The following NKAIN2 variants were observed in gnomAD, a reference collection of about 807,000 sequenced individuals.
The protein encoded by NKAIN2 is sodium/potassium transporting ATPase interacting 2, also known as sodium/potassium-transporting ATPase subunit beta-1-interacting protein 2.
Under a neutral mutation model 32.6 loss-of-function variants are expected in NKAIN2, and 14 were observed. The ratio of observed to expected loss-of-function variants is 0.43; its 90% CI spans 0.28 to 0.67. The LOEUF is 0.67. Ranked by LOEUF, NKAIN2 falls within the 30% of genes least tolerant of loss-of-function variation. The probability of loss-of-function intolerance (pLI) is 0.17; values close to 1 mark genes in which losing one functional copy is unlikely to be tolerated. For synonymous variants in NKAIN2, 80 were observed against 87.2 expected (o/e 0.92, Z 0.46); for missense variants, 198 against 258.3 (o/e 0.77, Z 1.60).
intron 4 of NKAIN2, among the ~76,000 whole-genome samples, chr6:124,698,932 G>C (rs756124810): frequency 6.6e-6 from 1 of 152,106 alleles, no homozygotes. Context: ...GCAGGGTAAA[G>C]GTTGAGAGTT....
intron 3 of NKAIN2, among the ~76,000 whole-genome samples, chr6:124,519,471 G>T (rs572848761): frequency 6.6e-6 from 1 of 152,270 alleles, no homozygotes; most frequent in South Asian, 2.1e-4. Flanking sequence ...TGAAATTTGT[G>T]TGTGTACAAG....
intron 1 of NKAIN2, among the ~76,000 whole-genome samples, chr6:123,918,950 A>G (rs528500517): frequency 5.3e-4 from 81 of 152,138 alleles, no homozygotes; most frequent in African/African-American, 1.9e-3. Context: ...AGCAATTGAA[A>G]TTCTGCTAGC....
At chr6:124,539,810 T>A (rs554358) in intron 3 of NKAIN2, among the ~76,000 whole-genome samples, 121,140 of 151,932 alleles carry the variant, frequency 0.8, 53,600 homozygotes, top group Non-Finnish European at 0.99. Context: ...AACCTCCGCC[T>A]CCTGGGTTCA....
intron 1 of NKAIN2, among the ~76,000 whole-genome samples, chr6:123,921,119 G>T (rs547079858): frequency 6.6e-6 from 1 of 152,268 alleles, no homozygotes; most frequent in South Asian, 2.1e-4. Flanking sequence ...ACAAATTACT[G>T]TCCTAAATGG....
chr6:124,375,728 A>G (rs187900403), intron 3 of NKAIN2, among the ~76,000 whole-genome samples: 63 of 152,238 alleles, frequency 4.1e-4, no homozygotes, highest in African/African-American at 1.5e-3. Context: ...TGTTGAAACC[A>G]TCATTTTCTC....
At chr6:124,065,960 G>C (rs1037320923) in intron 1 of NKAIN2, among the ~76,000 whole-genome samples, 1 of 152,038 alleles carries the variant, frequency 6.6e-6, no homozygotes, top group Non-Finnish European at 1.5e-5. Context: ...ATACATAACT[G>C]CATTTCTCAA....
intron 1 of NKAIN2, among the ~76,000 whole-genome samples, chr6:124,109,323 G>T (rs1210848956): frequency 6.6e-6 from 1 of 151,816 alleles, no homozygotes. Flanking sequence ...GACACTGTTT[G>T]CCTAATTACC....
At chr6:124,792,788 T>A (rs781573093) in intron 5 of NKAIN2, among the ~76,000 whole-genome samples, 1 of 152,094 alleles carries the variant, frequency 6.6e-6, no homozygotes, top group Non-Finnish European at 1.5e-5. Context: ...GTGACTGAAT[T>A]TGTTTCCTGT....
chr6:124,624,571 A>G lies in NKAIN2; in HGVS notation c.274-33615A>G, dbSNP rs1783231908. On this transcript the variant is annotated intron_variant, in intron 3 of 6. Transcript: ENST00000368417. ...AATTTAACAAAAGATATCATAGATA[A>G]ACATTTATTTTTCAAAATCCTAAAT... Among the ~76,000 whole-genome samples, 4 of 152,184 alleles carry G rather than the reference A, an allele frequency of 2.6e-5. No individual in the cohort carries two copies. The South Asian group carries it at 8.3e-4, about 32-fold the overall frequency.
intron 3 of NKAIN2, among the ~76,000 whole-genome samples, chr6:124,627,474 T>A (rs1269297837): frequency 6.6e-6 from 1 of 152,194 alleles, no homozygotes; most frequent in East Asian, 1.9e-4. Context: ...CTGCTCCTGT[T>A]GTGCTTTAGC....
intron 2 of NKAIN2, among the ~76,000 whole-genome samples, chr6:124,343,741 A>G (rs1342573544): frequency 6.7e-6 from 1 of 150,220 alleles, no homozygotes; most frequent in Non-Finnish European, 1.5e-5. Flanking sequence ...GCCCTTTGTC[A>G]GAAGAGTAGT....
chr6:123,984,226 G>A (rs1313086647), intron 1 of NKAIN2, among the ~76,000 whole-genome samples: 1 of 151,972 alleles, frequency 6.6e-6, no homozygotes, highest in African/African-American at 2.4e-5. Context: ...ATTCTTTAAA[G>A]TGAAGGCTTA....
intron 1 of NKAIN2, among the ~76,000 whole-genome samples, chr6:124,180,476 A>G (rs539907371): frequency 1.3e-5 from 2 of 152,178 alleles, no homozygotes; most frequent in South Asian, 4.2e-4. Context: ...GTTCCCTCCC[A>G]TGACACCTGA....
chr6:124,401,325 A>G (rs773243921), intron 3 of NKAIN2, among the ~76,000 whole-genome samples: 6 of 152,292 alleles, frequency 3.9e-5, no homozygotes, highest in Non-Finnish European at 5.9e-5. Flanking sequence ...ATATTTGAGC[A>G]TTCCTGCTGC....
chr6:124,340,541 C>G (rs1020617947), intron 2 of NKAIN2, among the ~76,000 whole-genome samples: 4 of 152,120 alleles, frequency 2.6e-5, no homozygotes, highest in East Asian at 1.9e-4. Flanking sequence ...TCCTCTCCCC[C>G]ACCAAGTAGA....
At chr6:124,085,830 A>G (rs1336269159) in intron 1 of NKAIN2, among the ~76,000 whole-genome samples, 3 of 151,812 alleles carry the variant, frequency 2.0e-5, no homozygotes, top group African/African-American at 7.3e-5. Context: ...GTAAATCTAT[A>G]TTTACTTAAA....
At chr6:124,785,207 C>CA (rs1390639027) in intron 4 of NKAIN2, among the ~76,000 whole-genome samples, 9 of 152,100 alleles carry the variant, frequency 5.9e-5, no homozygotes, top group Admixed American at 5.9e-4. Flanking sequence ...TTTCCTCTGT[C>CA]ACCTCCACAT....
At chr6:124,439,701 T>C (rs1775609911) in intron 3 of NKAIN2, among the ~76,000 whole-genome samples, 1 of 151,974 alleles carries the variant, frequency 6.6e-6, no homozygotes, top group Non-Finnish European at 1.5e-5. Context: ...ACAAAAAATA[T>C]TGCCAATAAA....
chr6:124,099,902 CTT>C (rs905921215), intron 1 of NKAIN2, among the ~76,000 whole-genome samples: 2 of 152,152 alleles, frequency 1.3e-5, no homozygotes, highest in African/African-American at 4.8e-5. Context: ...GTAGGGGACT[CTT>C]TTTGTCTGTT....
Sources: allele counts gnomAD v4.1 joint callset (sites outside exome capture counted in the v4.1 genomes callset), GRCh38; gene constraint gnomAD v4.1.1; transcripts MANE v1.5; gene names NCBI Gene and HGNC (gene_info 2026-07-23, HGNC 2026-07-21).